Variants in ACOX1 observed in about 807,000 individuals in gnomAD.
ACOX1 encodes the protein acyl-CoA oxidase 1, also known as peroxisomal acyl-coenzyme A oxidase 1.
ACOX1 carries 41 observed loss-of-function variants against 75.5 expected under a neutral mutation model. The observed-to-expected ratio is 0.54, with a 90% CI of 0.42 to 0.70. The LOEUF (loss-of-function observed/expected upper bound fraction) is 0.70. Ranked by LOEUF, ACOX1 falls within the 30% of genes least tolerant of loss-of-function variation. The pLI is 0.00. For synonymous variants in ACOX1, 303 were observed against 298.8 expected (o/e 1.01, Z -0.15); for missense variants, 630 against 837.5 (o/e 0.75, Z 3.06).
intron 2 of ACOX1, chr17:75,973,800 A>G: frequency 6.2e-7 from 1 of 1,614,112 alleles, no homozygotes; most frequent in African/African-American, 1.3e-5. Flanking sequence ...AGGAGAGAAG[A>G]GAAAAGGATC....
intron 10 of ACOX1, 32 bp downstream of exon 10, chr17:75,949,686 C>T: frequency 6.2e-7 from 1 of 1,614,128 alleles, no homozygotes; most frequent in Non-Finnish European, 8.5e-7. Flanking sequence ...AGCCCCACTG[C>T]TGCGTATTCT....
intron 3 of ACOX1, among the ~76,000 whole-genome samples, chr17:75,958,881 T>C (rs951461820): frequency 6.6e-6 from 1 of 151,604 alleles, no homozygotes; most frequent in Non-Finnish European, 1.5e-5. Flanking sequence ...CTTTTAAAAA[T>C]TCCTAAAGGT....
intron 2 of ACOX1, among the ~76,000 whole-genome samples, chr17:75,965,004 A>T (rs1050962142): frequency 1.3e-5 from 2 of 152,156 alleles, no homozygotes; most frequent in African/African-American, 4.8e-5. Context: ...AAATACCACA[A>T]TAAGTGAATT....
At chr17:75,961,281 A>C (rs2065884968) in intron 2 of ACOX1, among the ~76,000 whole-genome samples, 1 of 147,012 alleles carries the variant, frequency 6.8e-6, no homozygotes, top group Non-Finnish European at 1.5e-5. Context: ...CGACACAGTG[A>C]GACTCCATCT....
intron 2 of ACOX1, among the ~76,000 whole-genome samples, chr17:75,967,627 T>C (rs867191713): frequency 2.3e-5 from 2 of 87,396 alleles, no homozygotes; most frequent in African/African-American, 2.9e-4. Context: ...TACATATATA[T>C]ATACATACAT....
At chr17:75,964,227 C>T (rs2065911323) in intron 2 of ACOX1, among the ~76,000 whole-genome samples, 2 of 149,378 alleles carry the variant, frequency 1.3e-5, no homozygotes, top group African/African-American at 4.9e-5. Context: ...AAGAAAAACA[C>T]ATTCATGGGA....
chr17:75,969,393 C>T (rs1008950261), intron 2 of ACOX1, among the ~76,000 whole-genome samples: 8 of 151,730 alleles, frequency 5.3e-5, no homozygotes, highest in South Asian at 2.1e-4. Flanking sequence ...CTCGAACTCC[C>T]GACCTCAGGT....
intron 13 of ACOX1, among the ~76,000 whole-genome samples, chr17:75,947,524 C>G (rs2065732826): frequency 6.6e-6 from 1 of 152,036 alleles, no homozygotes; most frequent in Non-Finnish European, 1.5e-5. Flanking sequence ...CATCACTGAG[C>G]CTGGCCCTGA....
Position 75,978,613 on chromosome 17 carries a change from C to A in ACOX1, c.190G>T (p.Val64Phe). Reference protein sequence around the residue: ...LTRSQRYEVAVRKSAIMVKKM... With the variant: ...LTRSQRYEVAFRKSAIMVKKM... Reference sequence around the variant, plus strand: ...TTCACCATGATGGCACTTTTCCTGACAGCCACCTCATAACGCTGGCTGCGA... The same window carrying A: ...TTCACCATGATGGCACTTTTCCTGAAAGCCACCTCATAACGCTGGCTGCGA... The change falls in exon 2 of 14, where the codon GTC becomes TTC. Residue 64 changes from valine to phenylalanine, a missense_variant. By Grantham distance (50) the Val-to-Phe change is conservative (BLOSUM62 -1). Around this residue, in one of 2 missense-constraint regions of ACOX1, gnomAD observed 390 missense variants for 574.9 expected, o/e 0.68. Coordinates refer to ENST00000293217, the MANE Select transcript of ACOX1 (RefSeq NM_004035.7). The surrounding 1 kb of genome is among the most constrained non-coding windows in gnomAD (Gnocchi z 4.2). 1 of 1,614,236 alleles carries A rather than the reference C, an allele frequency of 6.2e-7. No homozygotes were observed. Among genetic ancestry groups the A allele is most frequent in the Non-Finnish European group, 8.5e-7 (1 of 1,180,048 alleles).
At chr17:75,975,050 C>CAAAAAAAAAAAAAAAAAAAA (rs1022347068) in intron 2 of ACOX1, among the ~76,000 whole-genome samples, 1 of 40,272 alleles carries the variant, frequency 2.5e-5, no homozygotes, top group Non-Finnish European at 4.8e-5. Context: ...ACTCTGTCTC[C>CAAAAAAAAAAAAAAAAAAAA]AAAAAAAAAA....
intron 2 of ACOX1, among the ~76,000 whole-genome samples, chr17:75,968,517 A>T: frequency 6.7e-6 from 1 of 148,584 alleles, no homozygotes; most frequent in South Asian, 2.1e-4. Context: ...GAGGCAGGAG[A>T]ATAGCGTGAA....
At position 75,967,620 on chromosome 17, in the gene ACOX1, A is replaced by ATATATATACATACATATATATACG. The variant is rs1491445873; in HGVS notation, c.270-7246_270-7245insCGTATATATATGTATGTATATATA. Among the ~76,000 whole-genome samples the ATATATATACATACATATATATACG allele has an allele frequency of 8.7e-5, 8 of 91,924 alleles. No homozygotes were observed. The East Asian group carries it at 1.9e-3, about 22-fold the overall frequency. 60.3% of individuals were successfully genotyped at this position (91,924 alleles called of 152,430 possible). On this transcript the variant is annotated intron_variant, in intron 2 of 13. Coordinates refer to ENST00000293217, the MANE Select transcript of ACOX1 (RefSeq NM_004035.7). ...TCGAAATATATATATATATACATAC[A>ATATATATACATACATATATATACG]TATATATATACATACATATATATAC...
intron 13 of ACOX1, among the ~76,000 whole-genome samples, chr17:75,947,180 T>C (rs1480416203): frequency 6.6e-6 from 1 of 152,044 alleles, no homozygotes; most frequent in Non-Finnish European, 1.5e-5. Flanking sequence ...TGTGGTTGTT[T>C]CTGAAGAGTC....
Position 75,978,306 on chromosome 17 carries a change from A to C in ACOX1, c.269+228T>G, listed in dbSNP as rs56285378. Among the ~76,000 whole-genome samples the C allele has an allele frequency of 6.6e-5, 10 of 151,726 alleles. No homozygotes were observed. Among genetic ancestry groups the C allele is most frequent in the Non-Finnish European group, 2.9e-5 (2 of 67,846 alleles). On this transcript the variant is annotated intron_variant, in intron 2 of 13. Coordinates refer to ENST00000293217, the MANE Select transcript of ACOX1 (RefSeq NM_004035.7). This position sits in a 1 kb window ranked among gnomAD's most constrained non-coding sequence, Gnocchi z 4.2. The stretch of plus-strand genomic sequence containing the variant: ...GATGGGGTTTCACCGTGTTAGCCAG[A>C]ATGGTCTCGATCTCCTGACTTGGTG...
chr17:75,966,488 AAAAAAT>A (rs1412173226), intron 2 of ACOX1, among the ~76,000 whole-genome samples: 5 of 150,690 alleles, frequency 3.3e-5, no homozygotes, highest in East Asian at 1.9e-4. Context: ...ATAAAAAAAT[AAAAAAT>A]AAAAATAAAA....
At chr17:75,966,756 C>T (rs529658324) in intron 2 of ACOX1, among the ~76,000 whole-genome samples, 50 of 152,060 alleles carry the variant, frequency 3.3e-4, no homozygotes, top group East Asian at 1.2e-3. Context: ...GCCATGACTG[C>T]GCCACTGCAC....
intron 2 of ACOX1, among the ~76,000 whole-genome samples, chr17:75,966,749 A>G (rs1263520059): frequency 1.3e-5 from 2 of 152,098 alleles, no homozygotes; most frequent in African/African-American, 2.4e-5. Flanking sequence ...GCAGTGAGCC[A>G]TGACTGCGCC....
At chr17:75,975,070 A>T (rs55765205) in intron 2 of ACOX1, among the ~76,000 whole-genome samples, 1 of 145,128 alleles carries the variant, frequency 6.9e-6, no homozygotes, top group Non-Finnish European at 1.5e-5. Flanking sequence ...AAAAAAAAAA[A>T]AAAGAAAGAA....
At chr17:75,964,695 A>C (rs1453487429) in intron 2 of ACOX1, among the ~76,000 whole-genome samples, 2 of 152,240 alleles carry the variant, frequency 1.3e-5, no homozygotes, top group Non-Finnish European at 2.9e-5. Context: ...TTTTGACTTA[A>C]GCCAAGTATT....
Sources: allele counts gnomAD v4.1 joint callset (sites outside exome capture counted in the v4.1 genomes callset), GRCh38; gene constraint gnomAD v4.1.1; regional missense constraint gnomAD v4.1.1; non-coding constraint Gnocchi (gnomAD v3.1); transcripts MANE v1.5; gene names NCBI Gene and HGNC (gene_info 2026-07-23, HGNC 2026-07-21).